Variants in LAMA2 observed in about 807,000 individuals in gnomAD.
The protein encoded by LAMA2 is laminin subunit alpha-2.
LAMA2 carries 269 observed loss-of-function variants against 364.8 expected under a neutral mutation model. That is an observed-to-expected ratio of 0.74 (90% CI 0.67 to 0.82). The LOEUF (loss-of-function observed/expected upper bound fraction) is 0.82. Ranked by LOEUF, LAMA2 falls within the 40% of genes least tolerant of loss-of-function variation. The pLI, the probability that LAMA2 is intolerant of heterozygous loss-of-function variation, is 0.00. For missense variants in LAMA2, 3,807 were observed against 3,873.2 expected, an observed-to-expected ratio of 0.98 and a Z score of 0.45; for synonymous variants, 1,379 against 1,370.6, an observed-to-expected ratio of 1.01 and a Z score of -0.14.
intron 1 of LAMA2, among the ~76,000 whole-genome samples, chr6:128,932,342 G>A (rs775611475): frequency 3.9e-5 from 6 of 152,182 alleles, no homozygotes; most frequent in Non-Finnish European, 8.8e-5. Context: ...ACGCATTAGA[G>A]CCTCAGAATC....
At chr6:129,435,732 C>G (rs1221145183) in intron 41 of LAMA2, among the ~76,000 whole-genome samples, 2 of 152,116 alleles carry the variant, frequency 1.3e-5, no homozygotes, top group Admixed American at 6.6e-5. Context: ...CTATAAAACC[C>G]TTTATATGAA....
chr6:129,167,849 T>C (rs1249574585), intron 9 of LAMA2, among the ~76,000 whole-genome samples: 1 of 150,698 alleles, frequency 6.6e-6, no homozygotes, highest in South Asian at 2.1e-4. Context: ...TTTTAATGAT[T>C]GCCATTCTAA....
chr6:129,514,306 A>G, intron 63 of LAMA2, 67 bp from the exon 64 acceptor site: 1 of 1,094,836 alleles, frequency 9.1e-7, no homozygotes, highest in Non-Finnish European at 1.4e-6. Flanking sequence ...GATCATTTGT[A>G]TGTGTGAACC....
At chr6:129,085,236 C>G (rs567116115) in intron 3 of LAMA2, among the ~76,000 whole-genome samples, 1 of 152,158 alleles carries the variant, frequency 6.6e-6, no homozygotes, top group Non-Finnish European at 1.5e-5. Context: ...TTTTGTCCTA[C>G]TTTAAATGGA....
chr6:129,123,091 T>C lies in LAMA2; in HGVS notation c.640-20810T>C, dbSNP rs369169179. On this transcript the variant is annotated intron_variant, in intron 4 of 64. Coordinates refer to ENST00000421865, the MANE Select transcript of LAMA2 (RefSeq NM_000426.4). ...CTGAGGCAGGCAGAGCATTTTGAGG[T>C]CAGGAGTTCGAGAGCAGCCTGGCCA... Among the ~76,000 whole-genome samples, 312 of 151,920 alleles carry C rather than the reference T, an allele frequency of 2.1e-3. 1 individual carries two copies. The highest frequency in any genetic ancestry group is 7.1e-3 in the African/African-American group (294 of 41,416).
intron 1 of LAMA2, among the ~76,000 whole-genome samples, chr6:128,983,103 T>G (rs1012413532): frequency 1.1e-4 from 17 of 152,094 alleles, no homozygotes; most frequent in African/African-American, 3.9e-4. Context: ...AGCAGCATGA[T>G]TTATAGTCCT....
At chr6:129,270,859 AC>A (rs957853400) in intron 17 of LAMA2, 108 bp downstream of exon 17, 5 of 1,174,130 alleles carry the variant, frequency 4.3e-6, no homozygotes, top group African/African-American at 1.5e-5. Flanking sequence ...AATAATAAAC[AC>A]AGACATGAAT....
At chr6:129,312,616 TTTTC>T (rs1362840358) in intron 22 of LAMA2, among the ~76,000 whole-genome samples, 1 of 152,134 alleles carries the variant, frequency 6.6e-6, no homozygotes, top group East Asian at 1.9e-4. Flanking sequence ...AGAAGACACA[TTTTC>T]TTTCTAATTC....
chr6:129,370,721 A>G (rs1778023487), intron 34 of LAMA2, among the ~76,000 whole-genome samples: 1 of 152,182 alleles, frequency 6.6e-6, no homozygotes, highest in Admixed American at 6.5e-5. Flanking sequence ...GGGATTATCG[A>G]GTCCACTTTG....
intron 4 of LAMA2, among the ~76,000 whole-genome samples, chr6:129,130,795 G>A (rs551618894): frequency 8.1e-4 from 123 of 152,070 alleles, no homozygotes; most frequent in African/African-American, 2.8e-3. Flanking sequence ...ATTTTTACAG[G>A]TGCCATTTTA....
chr6:129,337,017 G>A (rs1446808932), intron 29 of LAMA2, among the ~76,000 whole-genome samples: 1 of 152,194 alleles, frequency 6.6e-6, no homozygotes, highest in Non-Finnish European at 1.5e-5. Context: ...ACTCAGGTAA[G>A]CTCACTTGTT....
At chr6:129,452,404 A>G (rs751297982) in intron 45 of LAMA2, among the ~76,000 whole-genome samples, 5 of 152,160 alleles carry the variant, frequency 3.3e-5, no homozygotes, top group Non-Finnish European at 5.9e-5. Context: ...TTTCCTGACA[A>G]CTTCATGAAA....
chr6:129,311,401 A>G (rs541767550), intron 22 of LAMA2, among the ~76,000 whole-genome samples: 7 of 152,210 alleles, frequency 4.6e-5, no homozygotes, highest in East Asian at 1.9e-4. Flanking sequence ...GATTACAGGC[A>G]TGAGCCACCG....
intron 55 of LAMA2, among the ~76,000 whole-genome samples, chr6:129,485,852 G>A (rs1427182338): frequency 6.6e-6 from 1 of 152,202 alleles, no homozygotes; most frequent in Non-Finnish European, 1.5e-5. Context: ...GGGAGAGCAC[G>A]TGGCATCAGC....
intron 1 of LAMA2, among the ~76,000 whole-genome samples, chr6:128,918,695 A>C (rs1030235762): frequency 6.6e-6 from 1 of 152,248 alleles, no homozygotes; most frequent in Admixed American, 6.5e-5. Flanking sequence ...TGTACATTTT[A>C]AATTTCTAGT....
Position 129,250,179 on chromosome 6 carries a change from C to G in LAMA2, c.1850C>G (p.Thr617Arg), listed in dbSNP as rs771845417. Residue 617 changes from threonine (T) to arginine (R), a missense_variant, in exon 13 of 65, where the codon ACA becomes AGA. Physicochemically the swap from Thr to Arg is moderately conservative, Grantham distance 71. Around this residue, in one of 3 missense-constraint regions of LAMA2, gnomAD observed 3,333 missense variants for 3,345.7 expected, o/e 1.00. Transcript: ENST00000421865. ...GACCTTGAAGAAGAGGAAGAAGATA[C>G]AGAACGTGTTCTCCAGCTTATGATT... ...SYDLEEEEEDTERVLQLMIIL... is the reference protein window; with the variant it reads ...SYDLEEEEEDRERVLQLMIIL... The G allele has an allele frequency of 1.0e-5, 16 of 1,605,194 alleles. No homozygotes were observed. The highest frequency in any genetic ancestry group is 1.4e-5 in the Non-Finnish European group (16 of 1,172,404).
chr6:129,154,979 C>A (rs575281803), intron 8 of LAMA2, among the ~76,000 whole-genome samples: 1 of 152,136 alleles, frequency 6.6e-6, no homozygotes, highest in East Asian at 1.9e-4. Flanking sequence ...TAGAGAATTT[C>A]ATAAAAATGA....
At chr6:128,886,842 G>C (rs1162069866) in intron 1 of LAMA2, among the ~76,000 whole-genome samples, 1 of 152,150 alleles carries the variant, frequency 6.6e-6, no homozygotes, top group African/African-American at 2.4e-5. Flanking sequence ...TGAGCAACTT[G>C]CTTCTGGAAA....
intron 1 of LAMA2, among the ~76,000 whole-genome samples, chr6:129,047,904 T>C (rs1221401028): frequency 6.6e-6 from 1 of 152,210 alleles, no homozygotes; most frequent in African/African-American, 2.4e-5. Context: ...ACTAGATCTA[T>C]GCTGGTTTCA....
Sources: gnomAD v4.1 joint callset for allele counts (sites outside exome capture counted in the v4.1 genomes callset) on GRCh38, gnomAD v4.1.1 for gene constraint, gnomAD v4.1.1 regional missense constraint, MANE v1.5 for transcripts, NCBI Gene and HGNC (gene_info 2026-07-23, HGNC 2026-07-21) for gene names.